The following RFTN1 variants were observed in gnomAD, a reference collection of about 807,000 sequenced individuals.
RFTN1 encodes the protein raftlin.
A neutral mutation model predicts 46.5 loss-of-function variants in RFTN1; 26 were observed. The ratio of observed to expected loss-of-function variants is 0.56; its 90% CI spans 0.41 to 0.78. RFTN1 has a LOEUF of 0.78. Among genes scored for constraint, RFTN1 ranks in the 30% least tolerant of loss-of-function variants. RFTN1 has a pLI of 0.00. For missense variants in RFTN1, 693 were observed against 718.7 expected, an observed-to-expected ratio of 0.96 and a Z score of 0.41; for synonymous variants, 261 against 284.2, an observed-to-expected ratio of 0.92 and a Z score of 0.82.
chr3:16,504,102 A>G lies in RFTN1; in HGVS notation c.-9+9340T>C, dbSNP rs1310738830. Among the ~76,000 whole-genome samples the G allele has an allele frequency of 6.6e-6, 1 of 150,728 alleles. No homozygotes were observed. Among genetic ancestry groups the G allele is most frequent in the African/African-American group, 2.4e-5 (1 of 40,968 alleles). On this transcript the variant is annotated intron_variant, in intron 1 of 9. Transcript: ENST00000334133. The surrounding 1 kb of genome is among the most constrained non-coding windows in gnomAD (Gnocchi z 4.4). ...TTCACAGTGCCCTTAGTTTCTCTGTACATTTTTTAATGGCATGCCCTAGAC... is the reference window on the plus strand; with the variant it reads ...TTCACAGTGCCCTTAGTTTCTCTGTGCATTTTTTAATGGCATGCCCTAGAC...
At chr3:16,365,693 T>TTG in intron 6 of RFTN1, among the ~76,000 whole-genome samples, 1 of 152,260 alleles carries the variant, frequency 6.6e-6, no homozygotes, top group Non-Finnish European at 1.5e-5. Context: ...GGAGAACACA[T>TTG]TGCCTGGAAC....
chr3:16,476,747 TG>T (rs765475180), intron 2 of RFTN1, among the ~76,000 whole-genome samples: 20 of 152,114 alleles, frequency 1.3e-4, no homozygotes, highest in Non-Finnish European at 2.6e-4. Flanking sequence ...CTCACCATCG[TG>T]GGGGAAACTG....
At position 16,468,340 on chromosome 3, in the gene RFTN1, C is replaced by T. The variant is rs1234841214; in HGVS notation, c.145+25385G>A. On this transcript the variant is annotated intron_variant, in intron 2 of 9. Transcript: ENST00000334133. The surrounding 1 kb of genome is among the most constrained non-coding windows in gnomAD (Gnocchi z 4.4). ...AGTACCTGCATTCTGTCTCGAGTTT[C>T]CGGTAGATAAGTAGGGCTCCCTTAG... 6.6e-6 allele frequency among the ~76,000 whole-genome samples: 1 copy of T among 152,122 alleles called. No individual in the cohort carries two copies. Among genetic ancestry groups the T allele is most frequent in the Admixed American group, 6.5e-5 (1 of 15,270 alleles).
rs368162206 is a variant in RFTN1 at position 16,435,083 on chromosome 3, C to T, written c.146-1046G>A. On this transcript the variant is annotated intron_variant, in intron 2 of 9. Coordinates refer to ENST00000334133, the MANE Select transcript of RFTN1 (RefSeq NM_015150.2). ...GTGTATTCAGTGAAAAGTCTACATC[C>T]TAGCCCTATCCTCTACCTCCTACAT... Among the ~76,000 whole-genome samples, 22 of 152,292 alleles carry T rather than the reference C, an allele frequency of 1.4e-4. No individual in the cohort carries two copies. The East Asian group carries it at 3.1e-3, about 21-fold the overall frequency.
At chr3:16,417,089 A>G (rs966355771) in intron 3 of RFTN1, among the ~76,000 whole-genome samples, 2 of 149,638 alleles carry the variant, frequency 1.3e-5, no homozygotes, top group Non-Finnish European at 3.0e-5. Context: ...GGCTCACTGC[A>G]GCCTCAACTT....
intron 1 of RFTN1, among the ~76,000 whole-genome samples, chr3:16,510,819 C>G (rs1157044468): frequency 6.6e-6 from 1 of 152,256 alleles, no homozygotes; most frequent in East Asian, 1.9e-4. Flanking sequence ...GAGACTTGTA[C>G]ACAAATGTTC....
rs1160377419 is a variant in RFTN1, at chr3:16,382,195, A to C, written c.442-4093T>G. 6.6e-6 allele frequency among the ~76,000 whole-genome samples: 1 copy of C among 152,208 alleles called. No individual in the cohort carries two copies. The highest frequency in any genetic ancestry group is 6.5e-5 in the Admixed American group (1 of 15,286). ...GAATGAAGGGATATTAACTTTTCAA[A>C]GGCTTGGCAGAGGCTGCCAAGTTGT... On this transcript the variant is annotated intron_variant, in intron 4 of 9. Transcript: ENST00000334133. This position sits in a 1 kb window ranked among gnomAD's most constrained non-coding sequence, Gnocchi z 4.7.
chr3:16,357,568 G>T (rs914775314), intron 7 of RFTN1, among the ~76,000 whole-genome samples: 2 of 152,172 alleles, frequency 1.3e-5, no homozygotes, highest in Non-Finnish European at 2.9e-5. Context: ...GAGCCACAGG[G>T]TCTGGCTCCA....
chr3:16,415,939 T>C (rs967668083), intron 3 of RFTN1, among the ~76,000 whole-genome samples: 7 of 152,154 alleles, frequency 4.6e-5, no homozygotes, highest in Non-Finnish European at 7.4e-5. Flanking sequence ...CAGATAATCA[T>C]ATAAATTGGG....
intron 3 of RFTN1, among the ~76,000 whole-genome samples, chr3:16,416,688 G>A (rs1468738577): frequency 1.3e-5 from 2 of 152,120 alleles, no homozygotes; most frequent in African/African-American, 4.8e-5. Flanking sequence ...ATGGAAAAGG[G>A]AAAAATAGAA....
Position 16,320,161 on chromosome 3 carries a change from G to GTCCACT in RFTN1, c.1333-2935_1333-2930dup, listed in dbSNP as rs1211048419. 1.3e-5 allele frequency among the ~76,000 whole-genome samples: 2 copies of GTCCACT among 152,210 alleles called. No individual in the cohort carries two copies. Among genetic ancestry groups the GTCCACT allele is most frequent in the Non-Finnish European group, 2.9e-5 (2 of 68,036 alleles). ...ACATTTTAAAAACTGCCCATGATGT[G>GTCCACT]TCCACTTCAAGTAGTTTAGCTGGAA... On this transcript the variant is annotated intron_variant, in intron 9 of 9. Coordinates refer to ENST00000334133, the MANE Select transcript of RFTN1 (RefSeq NM_015150.2). The surrounding 1 kb of genome is among the most constrained non-coding windows in gnomAD (Gnocchi z 4.5).
At chr3:16,392,161 T>G (rs371038371) in intron 4 of RFTN1, among the ~76,000 whole-genome samples, 1 of 152,068 alleles carries the variant, frequency 6.6e-6, no homozygotes, top group African/African-American at 2.4e-5. Flanking sequence ...GCTCTTTGAG[T>G]GGGAATTCTC....
At chr3:16,372,867 G>A (rs1018266635) in intron 5 of RFTN1, among the ~76,000 whole-genome samples, 2 of 152,280 alleles carry the variant, frequency 1.3e-5, no homozygotes, top group East Asian at 3.9e-4. Context: ...GTGTTGGAAC[G>A]AAGAGCCTCC....
At chr3:16,435,975 T>C (rs1220896425) in intron 2 of RFTN1, among the ~76,000 whole-genome samples, 1 of 150,162 alleles carries the variant, frequency 6.7e-6, no homozygotes, top group African/African-American at 2.5e-5. Flanking sequence ...GCATTGTAAT[T>C]TTTTCAGCTA....
rs1301542016 is a variant in RFTN1 at position 16,345,984 on chromosome 3, GTT to G, written c.1146+11946_1146+11947del. On this transcript the variant is annotated intron_variant, in intron 7 of 9. Coordinates refer to ENST00000334133, the MANE Select transcript of RFTN1 (RefSeq NM_015150.2). This position sits in a 1 kb window ranked among gnomAD's most constrained non-coding sequence, Gnocchi z 5.2. ...CAGGATTTTGAAAACGTGATCATTT[GTT>G]TCATCCTCTCTTCCTCTGCAGCAAG... is the stretch of plus-strand genomic sequence containing the variant. 1 of 152,056 alleles carries G rather than the reference GTT, an allele frequency of 6.6e-6. No individual in the cohort carries two copies. Among genetic ancestry groups the G allele is most frequent in the African/African-American group, 2.4e-5 (1 of 41,388 alleles). 9.4% of individuals were successfully genotyped at this position (152,056 alleles called of 1,614,324 possible).
intron 3 of RFTN1, among the ~76,000 whole-genome samples, chr3:16,432,757 CAT>C (rs765437335): frequency 3.6e-4 from 55 of 152,152 alleles, no homozygotes; most frequent in East Asian, 5.8e-4. Context: ...CCTACCAAAA[CAT>C]GTGTGAATTC....
chr3:16,357,149 CAAACAA>C (rs1267162992), intron 7 of RFTN1, among the ~76,000 whole-genome samples: 1 of 148,746 alleles, frequency 6.7e-6, no homozygotes, highest in Non-Finnish European at 1.5e-5. Context: ...AACAAACAAA[CAAACAA>C]AAAAAACCAA....
At chr3:16,405,360 T>C (rs749971838) in intron 4 of RFTN1, among the ~76,000 whole-genome samples, 1 of 152,222 alleles carries the variant, frequency 6.6e-6, no homozygotes, top group Admixed American at 6.5e-5. Flanking sequence ...TTAAATGTTC[T>C]GTGGTCCATA....
At position 16,344,115 on chromosome 3, in the gene RFTN1, G is replaced by A. The variant is rs544346087; in HGVS notation, c.1146+13817C>T. 6.6e-6 allele frequency among the ~76,000 whole-genome samples: 1 copy of A among 152,250 alleles called. No homozygotes were observed. The highest frequency in any genetic ancestry group is 2.1e-4 in the South Asian group (1 of 4,826). ...TGGCCTGTATTAACTCTTTTTCATT[G>A]GAATTGCTGTCAAATCAGGTATGCT... On this transcript the variant is annotated intron_variant, in intron 7 of 9. Transcript: ENST00000334133. The surrounding 1 kb of genome is among the most constrained non-coding windows in gnomAD (Gnocchi z 4.4).
Sources: gnomAD v4.1 joint callset for allele counts (sites outside exome capture counted in the v4.1 genomes callset) on GRCh38, gnomAD v4.1.1 for gene constraint, Gnocchi (gnomAD v3.1) non-coding constraint, MANE v1.5 for transcripts, NCBI Gene and HGNC (gene_info 2026-07-23, HGNC 2026-07-21) for gene names.